Variants in VSIG10 observed in about 807,000 individuals in gnomAD.
The protein encoded by VSIG10 is V-set and immunoglobulin domain-containing protein 10.
A neutral mutation model predicts 58.7 loss-of-function variants in VSIG10; 48 were observed. The observed-to-expected ratio is 0.82, with a 90% confidence interval of 0.65 to 1.04. VSIG10 has a LOEUF of 1.04. Ranked by LOEUF, VSIG10 falls within the 50% of genes least tolerant of loss-of-function variation. VSIG10 has a pLI of 0.00. For missense variants in VSIG10, 628 were observed against 670.0 expected, an observed-to-expected ratio of 0.94 and a Z score of 0.69; for synonymous variants, 260 against 267.1, an observed-to-expected ratio of 0.97 and a Z score of 0.26.
chr12:118,091,056 A>G (rs2033279207), intron 2 of VSIG10, among the ~76,000 whole-genome samples: 1 of 151,888 alleles, frequency 6.6e-6, no homozygotes, highest in Non-Finnish European at 1.5e-5. Flanking sequence ...AATCACTTGA[A>G]CCCGGGAAGC....
At chr12:118,078,770 T>C (rs1177289764) in intron 4 of VSIG10, among the ~76,000 whole-genome samples, 1 of 151,108 alleles carries the variant, frequency 6.6e-6, no homozygotes, top group Non-Finnish European at 1.5e-5. Flanking sequence ...GAAACCCCAT[T>C]TCTACTAAAA....
At chr12:118,080,280 G>C (rs899525067) in intron 3 of VSIG10, among the ~76,000 whole-genome samples, 2 of 151,062 alleles carry the variant, frequency 1.3e-5, no homozygotes, top group Non-Finnish European at 2.9e-5. Flanking sequence ...GATTACAGAC[G>C]TGAGCTACCG....
At chr12:118,087,318 C>G (rs891616460) in intron 2 of VSIG10, among the ~76,000 whole-genome samples, 33 of 151,502 alleles carry the variant, frequency 2.2e-4, no homozygotes, top group African/African-American at 7.7e-4. Context: ...AACCTGACCT[C>G]CTACAAGACA....
At chr12:118,071,328 A>G in intron 6 of VSIG10, 31 bp downstream of exon 6, 4 of 1,597,272 alleles carry the variant, frequency 2.5e-6, no homozygotes, top group Non-Finnish European at 3.4e-6. Flanking sequence ...AAAGTCTGGA[A>G]GAGAAGCTAA....
chr12:118,093,525 G>A (rs939916367), intron 2 of VSIG10, among the ~76,000 whole-genome samples: 3 of 151,994 alleles, frequency 2.0e-5, no homozygotes, highest in African/African-American at 7.2e-5. Flanking sequence ...AAATCCATAT[G>A]TGTATATCAG....
In VSIG10 at chr12:118,079,586, G is replaced by A. The variant is rs2032869408; in HGVS notation, c.685C>T (p.Gln229Ter). The A allele has an allele frequency of 1.2e-6, 2 of 1,613,854 alleles. No homozygotes were observed. The highest frequency in any genetic ancestry group is 1.7e-5 in the Admixed American group (1 of 59,990). ...CCTGATGCCATCTGTGCCCAGCACT[G>A]GGGAGCTGATGGAGGGGGATCTGCA... ...LVYYPPPSAP[Q>*]CWAQMASGSF... is the part of the protein sequence containing the mutation. Residue 229 changes from glutamine (Q) to a stop codon, truncating the protein, a stop_gained, in exon 4 of 9, where the codon CAG becomes TAG. Transcript: ENST00000359236. LOFTEE classifies it high-confidence loss of function.
In VSIG10 at chr12:118,084,383, A is replaced by G. The variant is rs551675856; in HGVS notation, c.362-1954T>C. On this transcript the variant is annotated intron_variant, in intron 2 of 8. Coordinates refer to ENST00000359236, the MANE Select transcript of VSIG10 (RefSeq NM_019086.6). ...AGGAATTTTATTCGAAAATGACTTC[A>G]GAATGCACCACACAGTCTGTGCTAA... 1.1e-4 allele frequency among the ~76,000 whole-genome samples: 16 copies of G among 152,320 alleles called. No individual in the cohort carries two copies. In the South Asian group the frequency reaches 3.1e-3, roughly 30 times the overall value.
At chr12:118,081,067 C>A (rs1380321369) in intron 3 of VSIG10, among the ~76,000 whole-genome samples, 1 of 151,792 alleles carries the variant, frequency 6.6e-6, no homozygotes, top group Non-Finnish European at 1.5e-5. Flanking sequence ...GTGGGGAGAC[C>A]CTGTCTCTAC....
At chr12:118,078,941 A>C (rs2032835148) in intron 4 of VSIG10, among the ~76,000 whole-genome samples, 1 of 64,294 alleles carries the variant, frequency 1.6e-5, no homozygotes, top group Non-Finnish European at 2.8e-5. Context: ...TCTGCCTAAA[A>C]AAAAAAAAAA....
chr12:118,097,245 C>T (rs537372170), intron 1 of VSIG10, among the ~76,000 whole-genome samples: 122 of 152,320 alleles, frequency 8.0e-4, no homozygotes, highest in Admixed American at 1.4e-3. Context: ...TGTTTTGGCC[C>T]ATGGGATGTT....
chr12:118,079,227 G>C (rs906188597), intron 4 of VSIG10, 119 bp downstream of exon 4: 17 of 1,374,766 alleles, frequency 1.2e-5, no homozygotes, highest in Non-Finnish European at 1.6e-5. Context: ...AGAAAGGGAA[G>C]GAATTCAGTC....
At chr12:118,085,535 A>G (rs1235719901) in intron 2 of VSIG10, among the ~76,000 whole-genome samples, 3 of 152,226 alleles carry the variant, frequency 2.0e-5, no homozygotes, top group Admixed American at 6.5e-5. Context: ...CCTCAAATGC[A>G]TATATAAGAG....
At chr12:118,094,927 C>T (rs1327987061) in intron 2 of VSIG10, among the ~76,000 whole-genome samples, 8 of 127,898 alleles carry the variant, frequency 6.3e-5, no homozygotes, top group African/African-American at 2.1e-4. Context: ...TTTTTTGAGA[C>T]GGAGTCTCAC....
chr12:118,090,043 A>G (rs1452852391), intron 2 of VSIG10, among the ~76,000 whole-genome samples: 2 of 152,196 alleles, frequency 1.3e-5, no homozygotes, highest in Non-Finnish European at 2.9e-5. Flanking sequence ...AGCCAGGCAC[A>G]ATGGCTCACG....
chr12:118,067,214 A>G (rs1012653906), intron 8 of VSIG10, among the ~76,000 whole-genome samples: 1 of 151,888 alleles, frequency 6.6e-6, no homozygotes, highest in Non-Finnish European at 1.5e-5. Context: ...TAGTAGAGAC[A>G]CGTTTTGCCA....
Position 118,074,047 on chromosome 12 carries a change from C to T in VSIG10, c.926-55G>A, listed in dbSNP as rs556424853. On this transcript the variant is annotated intron_variant, in intron 4 of 8. Transcript: ENST00000359236. ...TGTTTAAAGAGATTCAAGTCATGGC[C>T]TGAGATCTGCAGGAAAACTGCAGTA... 1.8e-5 allele frequency: 27 copies of T among 1,501,382 alleles called. No homozygotes were observed. The East Asian group carries it at 6.0e-4, about 33-fold the overall frequency. The allele number at this position is 1,501,382 out of a possible 1,614,324, so 93.0% of individuals were successfully genotyped here.
chr12:118,066,513 G>C lies in VSIG10; in HGVS notation c.*126C>G. The C allele has an allele frequency of 1.0e-6, 1 of 976,780 alleles. No homozygotes were observed. Among genetic ancestry groups the C allele is most frequent in the Non-Finnish European group, 1.6e-6 (1 of 614,014 alleles). The allele number at this position is 976,780 out of a possible 1,614,324, so 60.5% of individuals were successfully genotyped here. ...TGTGCTTGGTTTTGTTTTTTGCTGAGACCCAAACATTGTTAGTGCAAGCCC... is the reference window on the plus strand; with the variant it reads ...TGTGCTTGGTTTTGTTTTTTGCTGACACCCAAACATTGTTAGTGCAAGCCC... On this transcript the variant is annotated 3_prime_UTR_variant, in exon 9 of 9. Transcript: ENST00000359236.
chr12:118,066,563 A>G lies in VSIG10; in HGVS notation c.*76T>C, dbSNP rs1173139035. On this transcript the variant is annotated 3_prime_UTR_variant, in exon 9 of 9. Coordinates refer to ENST00000359236, the MANE Select transcript of VSIG10 (RefSeq NM_019086.6). ...CCCGCCAGGGGTGCAGGTGGAGTCA[A>G]AGCTGAATGAAGAGCTCGTCTTCAA... 2 of 1,565,570 alleles carry G rather than the reference A, an allele frequency of 1.3e-6. No homozygotes were observed. The highest frequency in any genetic ancestry group is 1.8e-6 in the Non-Finnish European group (2 of 1,136,274).
chr12:118,079,282 G>A (rs1593508952), intron 4 of VSIG10, 64 bp downstream of exon 4: 3 of 1,573,334 alleles, frequency 1.9e-6, no homozygotes, highest in Admixed American at 3.5e-5. Context: ...ACTCTCAAAT[G>A]CTTCTCCTAG....
Sources: gnomAD v4.1 joint callset for allele counts (sites outside exome capture counted in the v4.1 genomes callset) on GRCh38, gnomAD v4.1.1 for gene constraint, MANE v1.5 for transcripts, NCBI Gene and HGNC (gene_info 2026-07-23, HGNC 2026-07-21) for gene names.